The following RAP1GDS1 variants were observed in gnomAD, a reference collection of about 807,000 sequenced individuals.
The protein encoded by RAP1GDS1 is Rap1 GTPase-GDP dissociation stimulator 1, also known as RAP1, GTP-GDP dissociation stimulator 1.
A neutral mutation model predicts 71.1 loss-of-function variants in RAP1GDS1; 35 were observed. That is an observed-to-expected ratio of 0.49 (90% confidence interval 0.38 to 0.65). The LOEUF (loss-of-function observed/expected upper bound fraction) is 0.65, where lower values mean the gene tolerates loss of function less well. RAP1GDS1 is among the 30% of genes least tolerant of loss of function. The probability of loss-of-function intolerance (pLI) is 0.00; values close to 1 mark genes in which losing one functional copy is unlikely to be tolerated. For missense variants in RAP1GDS1, 663 were observed against 706.1 expected (o/e 0.94, Z 0.69); for synonymous variants, 229 against 243.1 (o/e 0.94, Z 0.54).
At chr4:98,299,094 T>TC (rs1196956270) in intron 2 of RAP1GDS1, among the ~76,000 whole-genome samples, 2 of 152,074 alleles carry the variant, frequency 1.3e-5, no homozygotes, top group Non-Finnish European at 2.9e-5. Context: ...TGTGTGATGT[T>TC]CCCCCCGCTG....
chr4:98,421,203 C>A, intron 11 of RAP1GDS1, 52 bp from the exon 12 acceptor site: 1 of 1,493,118 alleles, frequency 6.7e-7, no homozygotes, highest in Non-Finnish European at 9.1e-7. Context: ...CGAATTATTT[C>A]AACTGATTGT....
At chr4:98,315,397 C>T (rs894387261) in intron 2 of RAP1GDS1, among the ~76,000 whole-genome samples, 2 of 152,132 alleles carry the variant, frequency 1.3e-5, no homozygotes, top group Non-Finnish European at 2.9e-5. Flanking sequence ...CAAATATGCT[C>T]TAACAACTTG....
At chr4:98,411,856 G>A (rs1181464557) in intron 7 of RAP1GDS1, among the ~76,000 whole-genome samples, 1 of 152,116 alleles carries the variant, frequency 6.6e-6, no homozygotes, top group Non-Finnish European at 1.5e-5. Flanking sequence ...TATTTTTAAG[G>A]CTTTTTCATC....
chr4:98,274,363 G>C (rs552205795), intron 1 of RAP1GDS1, among the ~76,000 whole-genome samples: 39 of 152,234 alleles, frequency 2.6e-4, no homozygotes, highest in Non-Finnish European at 4.6e-4. Context: ...CAGAACTTAT[G>C]ATGGTTAAAT....
intron 4 of RAP1GDS1, 43 bp downstream of exon 4, chr4:98,352,644 T>C (rs769219900): frequency 1.2e-6 from 2 of 1,602,134 alleles, no homozygotes; most frequent in Admixed American, 1.7e-5. Context: ...TTTTTAAGAA[T>C]TATGATATTC....
intron 4 of RAP1GDS1, among the ~76,000 whole-genome samples, chr4:98,365,729 C>T (rs1459541101): frequency 1.3e-5 from 2 of 152,096 alleles, no homozygotes. Context: ...TTAAATGTTA[C>T]TTTTTATCAC....
intron 1 of RAP1GDS1, among the ~76,000 whole-genome samples, chr4:98,281,738 C>T (rs4699339): frequency 0.15 from 22,385 of 151,970 alleles, 2,459 homozygotes; most frequent in African/African-American, 0.31. Flanking sequence ...TGATATTGGC[C>T]GTGGCTTTGT....
intron 1 of RAP1GDS1, among the ~76,000 whole-genome samples, chr4:98,265,301 T>G (rs1722573910): frequency 6.6e-6 from 1 of 152,170 alleles, no homozygotes; most frequent in Admixed American, 6.5e-5. Flanking sequence ...GATACGAGAA[T>G]CTCCTGATAC....
At chr4:98,440,607 C>A (rs1324579569) in intron 14 of RAP1GDS1, among the ~76,000 whole-genome samples, 1 of 152,098 alleles carries the variant, frequency 6.6e-6, no homozygotes, top group African/African-American at 2.4e-5. Flanking sequence ...TGATGGGAAT[C>A]TTTTTATGTG....
At chr4:98,333,828 A>G (rs1270027445) in intron 2 of RAP1GDS1, among the ~76,000 whole-genome samples, 3 of 152,126 alleles carry the variant, frequency 2.0e-5, no homozygotes, top group Non-Finnish European at 4.4e-5. Flanking sequence ...TATTTTGCCA[A>G]TAACTCAGAA....
At chr4:98,375,821 C>T (rs184390223) in intron 4 of RAP1GDS1, among the ~76,000 whole-genome samples, 4 of 152,204 alleles carry the variant, frequency 2.6e-5, no homozygotes, top group East Asian at 3.9e-4. Flanking sequence ...AAGGAGGAAA[C>T]GTAGTAAAAT....
intron 3 of RAP1GDS1, among the ~76,000 whole-genome samples, chr4:98,346,002 A>G (rs1192840305): frequency 6.6e-6 from 1 of 152,196 alleles, no homozygotes; most frequent in East Asian, 1.9e-4. Flanking sequence ...GACCTGTAGC[A>G]GCAACAGACT....
intron 6 of RAP1GDS1, among the ~76,000 whole-genome samples, chr4:98,400,528 TAAAA>T (rs774732053): frequency 3.6e-4 from 27 of 74,374 alleles, no homozygotes; most frequent in African/African-American, 7.5e-4. Context: ...TTTATAGAAG[TAAAA>T]AAAAAAAAAA....
At chr4:98,395,637 A>T (rs1265293091) in intron 6 of RAP1GDS1, among the ~76,000 whole-genome samples, 1 of 152,186 alleles carries the variant, frequency 6.6e-6, no homozygotes, top group Non-Finnish European at 1.5e-5. Context: ...TATTTGCCCT[A>T]TAGCTCTGTC....
At chr4:98,319,385 AT>A (rs1481669715) in intron 2 of RAP1GDS1, among the ~76,000 whole-genome samples, 2 of 152,214 alleles carry the variant, frequency 1.3e-5, no homozygotes, top group African/African-American at 4.8e-5. Context: ...GATATATGGT[AT>A]AGGTTTCCTC....
At chr4:98,329,082 C>T (rs1733561161) in intron 2 of RAP1GDS1, among the ~76,000 whole-genome samples, 1 of 152,156 alleles carries the variant, frequency 6.6e-6, no homozygotes, top group African/African-American at 2.4e-5. Flanking sequence ...CAGTCAAAGC[C>T]TTGGTAACAC....
chr4:98,329,788 CA>C (rs34140500), intron 2 of RAP1GDS1, among the ~76,000 whole-genome samples: 2,576 of 43,446 alleles, frequency 0.059, 19 homozygotes, highest in African/African-American at 0.12. Flanking sequence ...GACTCCATCT[CA>C]AAAAAAAAAA....
chr4:98,328,341 G>A (rs1733450230), intron 2 of RAP1GDS1, among the ~76,000 whole-genome samples: 1 of 152,240 alleles, frequency 6.6e-6, no homozygotes, highest in South Asian at 2.1e-4. Context: ...AGGTGCGTAA[G>A]AGTCTTACTA....
chr4:98,338,711 T>C (rs1299334226), intron 2 of RAP1GDS1, among the ~76,000 whole-genome samples: 2 of 152,212 alleles, frequency 1.3e-5, no homozygotes, highest in African/African-American at 4.8e-5. Context: ...ATATTACCAA[T>C]CTAATCCAAA....
Sources: gnomAD v4.1 joint callset for allele counts (sites outside exome capture counted in the v4.1 genomes callset) on GRCh38, gnomAD v4.1.1 for gene constraint, MANE v1.5 for transcripts, NCBI Gene and HGNC (gene_info 2026-07-23, HGNC 2026-07-21) for gene names.